The following OR10J1 variants were observed in gnomAD, a reference collection of about 807,000 sequenced individuals.
OR10J1 encodes the protein olfactory receptor 10J1.
For missense variants in OR10J1, 474 were observed against 376.6 expected, an observed-to-expected ratio of 1.26 and a Z score of -2.14; for synonymous variants, 202 against 143.8, an observed-to-expected ratio of 1.40 and a Z score of -2.89.
chr1:159,398,862 A>G, the OR10J1 span, among the ~76,000 whole-genome samples: 62 of 152,296 alleles, frequency 4.1e-4, 1 homozygote, highest in African/African-American at 1.5e-3. Flanking sequence ...AGGTAGGGGT[A>G]GAATGTTTAT....
chr1:159,416,134 T>C, the OR10J1 span, among the ~76,000 whole-genome samples: 2 of 151,966 alleles, frequency 1.3e-5, no homozygotes, highest in Non-Finnish European at 2.9e-5. Context: ...CAGCAAAGAG[T>C]GACAATTTGA....
At position 159,440,373 on chromosome 1, in the gene OR10J1, T is replaced by G. The variant is rs1655901319; in HGVS notation, c.582T>G (p.Asn194Lys). The change falls in exon 1 of 1, where the codon AAT (asparagine) becomes AAG (lysine). Residue 194 changes from asparagine to lysine, a missense_variant. Physicochemically the swap from Asn to Lys is moderately conservative, Grantham distance 94. Transcript: ENST00000423932. ...TCTCCTGCATTGACACCACTGTCAA[T>G]GAAATCCTGACTTTGATTATCAGTG... is the stretch of plus-strand genomic sequence containing the variant. Reference protein sequence around the residue: ...MKLSCIDTTVNEILTLIISVL... With the variant: ...MKLSCIDTTVKEILTLIISVL... 6.2e-7 allele frequency: 1 copy of G among 1,614,072 alleles called. No individual in the cohort carries two copies. Among genetic ancestry groups the G allele is most frequent in the Admixed American group, 1.7e-5 (1 of 60,004 alleles).
the OR10J1 span, among the ~76,000 whole-genome samples, chr1:159,399,734 G>A: frequency 6.6e-6 from 1 of 151,996 alleles, no homozygotes; most frequent in African/African-American, 2.4e-5. Flanking sequence ...TGTAACTGTT[G>A]TGTGTAAGTA....
chr1:159,422,621 A>C, the OR10J1 span, among the ~76,000 whole-genome samples: 3 of 152,140 alleles, frequency 2.0e-5, no homozygotes, highest in African/African-American at 4.8e-5. Context: ...GGCAGGACAG[A>C]GACTGGTGGA....
chr1:159,416,744 G>A, the OR10J1 span, among the ~76,000 whole-genome samples: 1 of 151,852 alleles, frequency 6.6e-6, no homozygotes, highest in Non-Finnish European at 1.5e-5. Context: ...TGTTATTGTT[G>A]ATCCAATCTC....
At chr1:159,406,194 G>T in the OR10J1 span, 1 of 517,688 alleles carries the variant, frequency 1.9e-6, no homozygotes, top group South Asian at 1.5e-5. Context: ...AGTACATGGG[G>T]GTGTGGAGGT....
the OR10J1 span, among the ~76,000 whole-genome samples, chr1:159,423,366 C>T: frequency 6.6e-6 from 1 of 152,152 alleles, no homozygotes; most frequent in Non-Finnish European, 1.5e-5. Flanking sequence ...CTTGTGAGGA[C>T]AGGCACTGAT....
chr1:159,412,806 G>A, the OR10J1 span, among the ~76,000 whole-genome samples: 6 of 151,588 alleles, frequency 4.0e-5, no homozygotes, highest in South Asian at 1.0e-3. Flanking sequence ...AACACCAAAA[G>A]CAATGGCAAC....
At chr1:159,399,114 G>A in the OR10J1 span, among the ~76,000 whole-genome samples, 1 of 151,738 alleles carries the variant, frequency 6.6e-6, no homozygotes, top group Non-Finnish European at 1.5e-5. Context: ...AACATTACAG[G>A]CCAGGAGAGA....
the OR10J1 span, chr1:159,405,597 G>A: frequency 2.5e-6 from 1 of 404,654 alleles, no homozygotes; most frequent in Non-Finnish European, 5.0e-6. Context: ...TAAGCTTCAG[G>A]TAGATGATGG....
chr1:159,401,152 A>G, the OR10J1 span, among the ~76,000 whole-genome samples: 2 of 151,874 alleles, frequency 1.3e-5, no homozygotes, highest in Non-Finnish European at 2.9e-5. Flanking sequence ...CCAAAAAAAA[A>G]AGAGAAAAAA....
At chr1:159,421,109 T>A in the OR10J1 span, among the ~76,000 whole-genome samples, 6 of 152,284 alleles carry the variant, frequency 3.9e-5, no homozygotes, top group East Asian at 3.9e-4. Context: ...TTTTAAAAAA[T>A]TTTTGCCTGA....
At chr1:159,431,394 G>A in the OR10J1 span, among the ~76,000 whole-genome samples, 11 of 152,212 alleles carry the variant, frequency 7.2e-5, no homozygotes, top group African/African-American at 2.4e-4. Flanking sequence ...GGACACAGGA[G>A]AATGGTCCTC....
chr1:159,400,616 T>C, the OR10J1 span, among the ~76,000 whole-genome samples: 6 of 150,918 alleles, frequency 4.0e-5, no homozygotes, highest in East Asian at 1.2e-3. Flanking sequence ...AAAAGATATA[T>C]AAAGAAAATA....
the OR10J1 span, among the ~76,000 whole-genome samples, chr1:159,415,744 TATTA>T: frequency 5.9e-5 from 9 of 152,078 alleles, no homozygotes; most frequent in African/African-American, 1.4e-4. Context: ...ATGTTAATGA[TATTA>T]ATTATTTTAA....
chr1:159,433,850 T>A (rs532504648), upstream of OR10J1, among the ~76,000 whole-genome samples: 1 of 152,230 alleles, frequency 6.6e-6, no homozygotes, highest in Admixed American at 6.5e-5. Flanking sequence ...TGTAGAACAG[T>A]GTCTGGTGCA....
chr1:159,429,065 C>T, the OR10J1 span, among the ~76,000 whole-genome samples: 1 of 152,198 alleles, frequency 6.6e-6, no homozygotes, highest in Non-Finnish European at 1.5e-5. Flanking sequence ...AAGGTTGGGT[C>T]AGTTGATGGA....
chr1:159,426,312 A>C, the OR10J1 span, among the ~76,000 whole-genome samples: 1 of 151,898 alleles, frequency 6.6e-6, no homozygotes. Context: ...TAAAATGTAT[A>C]TTAAAATGAC....
At chr1:159,423,017 C>G in the OR10J1 span, among the ~76,000 whole-genome samples, 1 of 152,122 alleles carries the variant, frequency 6.6e-6, no homozygotes, top group Non-Finnish European at 1.5e-5. Flanking sequence ...TAATTTGGTT[C>G]CTCTCCGTGG....
Sources: gnomAD v4.1 joint callset for allele counts (sites outside exome capture counted in the v4.1 genomes callset) on GRCh38, gnomAD v4.1.1 for gene constraint, MANE v1.5 for transcripts, NCBI Gene and HGNC (gene_info 2026-07-23, HGNC 2026-07-21) for gene names.